Variants in HS6ST3 observed in about 807,000 individuals in gnomAD.
The protein encoded by HS6ST3 is heparan-sulfate 6-O-sulfotransferase 3.
Under a neutral mutation model 36.7 loss-of-function variants are expected in HS6ST3, and 12 were observed. That is an observed-to-expected ratio of 0.33 (90% CI 0.21 to 0.53). HS6ST3 has a LOEUF of 0.53. HS6ST3 is among the 20% of genes least tolerant of loss of function. The pLI, the probability that HS6ST3 is intolerant of heterozygous loss-of-function variation, is 0.95. For missense variants in HS6ST3, 584 were observed against 640.9 expected, an observed-to-expected ratio of 0.91 and a Z score of 0.96; for synonymous variants, 240 against 257.5, an observed-to-expected ratio of 0.93 and a Z score of 0.65.
chr13:96,667,593 A>C (rs1329759241), intron 1 of HS6ST3, among the ~76,000 whole-genome samples: 2 of 152,192 alleles, frequency 1.3e-5, no homozygotes, highest in Non-Finnish European at 2.9e-5. Context: ...TTTCACTGAA[A>C]TCACACGTGG....
chr13:96,224,748 A>T (rs975144952), intron 1 of HS6ST3, among the ~76,000 whole-genome samples: 11 of 152,244 alleles, frequency 7.2e-5, no homozygotes, highest in Admixed American at 7.2e-4. Context: ...GTGCTTGGTC[A>T]TCGAAGGTTA....
rs114923748 is a variant in HS6ST3 at position 96,433,525 on chromosome 13, A to G, written c.707+341956A>G. 6.6e-3 allele frequency among the ~76,000 whole-genome samples: 998 copies of G among 152,232 alleles called. 6 individuals are homozygous for G. The highest frequency in any genetic ancestry group is 0.023 in the African/African-American group (957 of 41,526). On this transcript the variant is annotated intron_variant, in intron 1 of 1. Coordinates refer to ENST00000376705, the MANE Select transcript of HS6ST3 (RefSeq NM_153456.4). ...TGAGAGTTCTCCTGCACTAAATGAG[A>G]GTTCTTCTGCACATGCTCTTTTACC... is the stretch of plus-strand genomic sequence containing the variant.
intron 1 of HS6ST3, among the ~76,000 whole-genome samples, chr13:96,118,570 A>T (rs930485011): frequency 2.0e-5 from 3 of 149,644 alleles, no homozygotes; most frequent in Non-Finnish European, 4.4e-5. Context: ...CTGATTTGGA[A>T]AAGAAGAACT....
At chr13:96,270,268 G>C (rs989049801) in intron 1 of HS6ST3, among the ~76,000 whole-genome samples, 2 of 151,764 alleles carry the variant, frequency 1.3e-5, no homozygotes, top group African/African-American at 4.9e-5. Flanking sequence ...TACTTTGCTG[G>C]CACTTTGATC....
intron 1 of HS6ST3, among the ~76,000 whole-genome samples, chr13:96,596,875 A>G (rs1213258676): frequency 6.6e-6 from 1 of 152,112 alleles, no homozygotes; most frequent in Non-Finnish European, 1.5e-5. Context: ...ATAAAGACAC[A>G]CACTTGCATA....
At chr13:96,376,146 G>C (rs2055313728) in intron 1 of HS6ST3, among the ~76,000 whole-genome samples, 1 of 152,128 alleles carries the variant, frequency 6.6e-6, no homozygotes, top group Non-Finnish European at 1.5e-5. Flanking sequence ...AAAAAGGGTG[G>C]ATAATAATAT....
At chr13:96,739,880 A>T (rs1028868408) in intron 1 of HS6ST3, among the ~76,000 whole-genome samples, 4 of 152,066 alleles carry the variant, frequency 2.6e-5, no homozygotes, top group African/African-American at 9.7e-5. Context: ...GCCTGATGTG[A>T]TCCACTGTGG....
intron 1 of HS6ST3, among the ~76,000 whole-genome samples, chr13:96,369,002 C>T (rs748730526): frequency 1.3e-4 from 17 of 135,504 alleles, no homozygotes; most frequent in South Asian, 2.3e-4. Flanking sequence ...AATTCCATCA[C>T]AATGTACTCT....
In HS6ST3 at chr13:96,835,095, G is replaced by C. The variant is rs550459487; in HGVS notation, c.*1897G>C. On this transcript the variant is annotated 3_prime_UTR_variant, in exon 2 of 2. Transcript: ENST00000376705. Reference sequence around the variant, plus strand: ...TAAGCTAGGTCTAGCTGACTGCAAAGGTCAAGTTCTCTTTACTCCGTCACC... The same window carrying C: ...TAAGCTAGGTCTAGCTGACTGCAAACGTCAAGTTCTCTTTACTCCGTCACC... 16 of 152,302 alleles carry C rather than the reference G, an allele frequency of 1.1e-4. No homozygotes were observed. The highest frequency in any genetic ancestry group is 3.6e-4 in the African/African-American group (15 of 41,546). 9.4% of individuals were successfully genotyped at this position (152,302 alleles called of 1,614,324 possible).
intron 1 of HS6ST3, among the ~76,000 whole-genome samples, chr13:96,755,939 C>T (rs973914206): frequency 1.3e-5 from 2 of 152,172 alleles, no homozygotes; most frequent in African/African-American, 4.8e-5. Flanking sequence ...TACCAGTTCA[C>T]ACTCCCAACT....
chr13:96,358,257 A>G (rs1426183544), intron 1 of HS6ST3, among the ~76,000 whole-genome samples: 13 of 148,906 alleles, frequency 8.7e-5, no homozygotes, highest in Admixed American at 2.0e-4. Context: ...AGTGAATACT[A>G]AATCTTTTGG....
At chr13:96,649,712 G>T (rs753311938) in intron 1 of HS6ST3, among the ~76,000 whole-genome samples, 1 of 151,862 alleles carries the variant, frequency 6.6e-6, no homozygotes, top group Non-Finnish European at 1.5e-5. Context: ...AGAGTCTCCC[G>T]TTTTTTATCC....
Position 96,667,879 on chromosome 13 carries a change from GC to G in HS6ST3, c.708-164609del, listed in dbSNP as rs578001045. Among the ~76,000 whole-genome samples the G allele has an allele frequency of 2.4e-4, 37 of 152,232 alleles. 1 individual carries two copies. The highest frequency in any genetic ancestry group is 8.9e-4 in the African/African-American group (37 of 41,562). ...AAAAGCCACCTGCATGTGCCCTTGT[GC>G]CAGAATTCTTGTCTGTAAACCCAGA... is the stretch of plus-strand genomic sequence containing the variant. On this transcript the variant is annotated intron_variant, in intron 1 of 1. Transcript: ENST00000376705.
intron 1 of HS6ST3, among the ~76,000 whole-genome samples, chr13:96,469,415 C>T (rs577885130): frequency 6.6e-5 from 10 of 152,036 alleles, no homozygotes; most frequent in Non-Finnish European, 1.5e-4. Flanking sequence ...GTGCTTTGAG[C>T]AGCAGGTCTT....
intron 1 of HS6ST3, among the ~76,000 whole-genome samples, chr13:96,158,652 C>CAAAAAAA (rs397954592): frequency 1.5e-5 from 1 of 68,890 alleles, no homozygotes; most frequent in Non-Finnish European, 2.5e-5. Context: ...GACTCCGTCT[C>CAAAAAAA]AAAAAAAAAA....
chr13:96,263,047 A>G (rs756907247), intron 1 of HS6ST3, among the ~76,000 whole-genome samples: 1 of 152,230 alleles, frequency 6.6e-6, no homozygotes, highest in Non-Finnish European at 1.5e-5. Context: ...AAGTTTTACA[A>G]AACAAAAATT....
chr13:96,459,158 A>G (rs2055770102), intron 1 of HS6ST3, among the ~76,000 whole-genome samples: 2 of 150,970 alleles, frequency 1.3e-5, no homozygotes, highest in Admixed American at 6.6e-5. Context: ...AGCATTTACA[A>G]TTTGTAATTG....
chr13:96,106,180 T>C (rs2053840613), intron 1 of HS6ST3, among the ~76,000 whole-genome samples: 1 of 152,280 alleles, frequency 6.6e-6, no homozygotes, highest in South Asian at 2.1e-4. Flanking sequence ...AATTCTCTGA[T>C]ACTCTTTCCT....
chr13:96,136,881 A>G (rs1482359869), intron 1 of HS6ST3, among the ~76,000 whole-genome samples: 4 of 152,072 alleles, frequency 2.6e-5, no homozygotes, highest in Non-Finnish European at 5.9e-5. Flanking sequence ...GTTAGATACC[A>G]TCTAGGTATT....
Sources: gnomAD v4.1 joint callset for allele counts (sites outside exome capture counted in the v4.1 genomes callset) on GRCh38, gnomAD v4.1.1 for gene constraint, MANE v1.5 for transcripts, NCBI Gene and HGNC (gene_info 2026-07-23, HGNC 2026-07-21) for gene names.